Variants in FAM107B observed in about 807,000 individuals in gnomAD.
FAM107B encodes the protein protein FAM107B.
FAM107B carries 21 observed loss-of-function variants against 31.5 expected under a neutral mutation model. The ratio of observed to expected loss-of-function variants is 0.67; its 90% confidence interval spans 0.47 to 0.96. The LOEUF (loss-of-function observed/expected upper bound fraction) is 0.96, where lower values mean the gene tolerates loss of function less well. FAM107B is among the 40% of genes least tolerant of loss of function. The pLI, the probability that FAM107B is intolerant of heterozygous loss-of-function variation, is 0.00. For synonymous variants in FAM107B, 157 were observed against 141.5 expected, an observed-to-expected ratio of 1.11 and a Z score of -0.78; for missense variants, 452 against 377.1, an observed-to-expected ratio of 1.20 and a Z score of -1.64.
chr10:14,561,014 G>T (rs1006304246), intron 2 of FAM107B, among the ~76,000 whole-genome samples: 2 of 152,178 alleles, frequency 1.3e-5, no homozygotes, highest in Non-Finnish European at 2.9e-5. Flanking sequence ...TCAGGCACAG[G>T]GTGTGCCACT....
At chr10:14,574,456 A>G (rs1288712793) in intron 2 of FAM107B, among the ~76,000 whole-genome samples, 1 of 152,220 alleles carries the variant, frequency 6.6e-6, no homozygotes, top group Non-Finnish European at 1.5e-5. Flanking sequence ...TCCCACATAC[A>G]CTTGCAGAGT....
chr10:14,580,402 C>T (rs1394103932), intron 2 of FAM107B, among the ~76,000 whole-genome samples: 2 of 151,584 alleles, frequency 1.3e-5, no homozygotes, highest in East Asian at 3.9e-4. Context: ...ACAAAAGAAA[C>T]AGCAAGTGGT....
intron 2 of FAM107B, 129 bp from the exon 3 acceptor site, chr10:14,530,644 C>T: frequency 2.4e-6 from 2 of 829,556 alleles, no homozygotes; most frequent in South Asian, 3.7e-5. Context: ...TCTGGGGCAT[C>T]GCTGATAAAT....
intron 2 of FAM107B, among the ~76,000 whole-genome samples, chr10:14,628,112 G>GTTTTTTTTTTGTTTTTTTTTTTTTTTTTT (rs1554841912): frequency 1.1e-5 from 1 of 92,676 alleles, no homozygotes; most frequent in South Asian, 4.5e-4. Context: ...TGTTTTGCTG[G>GTTTTTTTTTTGTTTTTTTTTTTTTTTTTT]TTTTTTTTTT....
intron 1 of FAM107B, among the ~76,000 whole-genome samples, chr10:14,767,765 C>T (rs1318530372): frequency 6.6e-6 from 1 of 152,150 alleles, no homozygotes; most frequent in Non-Finnish European, 1.5e-5. Context: ...AGGAACAAAA[C>T]AAGGATGCTT....
chr10:14,573,790 A>G (rs1424090026), intron 2 of FAM107B, among the ~76,000 whole-genome samples: 1 of 152,102 alleles, frequency 6.6e-6, no homozygotes, highest in Non-Finnish European at 1.5e-5. Context: ...AGTCTGTGGT[A>G]TTCCACTACG....
At chr10:14,643,487 G>A (rs1853679473) in intron 2 of FAM107B, among the ~76,000 whole-genome samples, 1 of 150,266 alleles carries the variant, frequency 6.7e-6, no homozygotes, top group Non-Finnish European at 1.5e-5. Flanking sequence ...TCGGTTCACT[G>A]CAGTCTCCAC....
intron 2 of FAM107B, among the ~76,000 whole-genome samples, chr10:14,613,560 A>G (rs117176674): frequency 6.6e-6 from 1 of 152,278 alleles, no homozygotes; most frequent in Non-Finnish European, 1.5e-5. Flanking sequence ...TACGCCCTAC[A>G]TCTACTTTGG....
In FAM107B at chr10:14,774,317, G is replaced by T; in HGVS notation, c.347C>A (p.Ala116Glu). Residue 116 changes from alanine (A) to glutamate (E), a missense_variant, in exon 1 of 5, where the codon GCG becomes GAG. Transcript: ENST00000181796. ...GTGAAACACCACTGCTTCACAGTCC[G>T]CCCCATCATCCAGGGACCCGGGCAC... is the stretch of plus-strand genomic sequence containing the variant. ...EDVPGSLDDGADCEAVVFHAS... is the reference protein window; with the variant it reads ...EDVPGSLDDGEDCEAVVFHAS... The T allele has an allele frequency of 6.2e-7, 1 of 1,614,168 alleles. No homozygotes were observed. The highest frequency in any genetic ancestry group is 8.5e-7 in the Non-Finnish European group (1 of 1,180,018).
At chr10:14,674,429 G>A (rs1388784787) in intron 1 of FAM107B, among the ~76,000 whole-genome samples, 1 of 152,164 alleles carries the variant, frequency 6.6e-6, no homozygotes, top group Non-Finnish European at 1.5e-5. Flanking sequence ...TGGGGATGGA[G>A]TCCTTCAAAT....
chr10:14,739,701 A>G lies in FAM107B; in HGVS notation c.411+34552T>C, dbSNP rs1285234015. On this transcript the variant is annotated intron_variant, in intron 1 of 4. Coordinates refer to ENST00000181796, the MANE Select transcript of FAM107B (RefSeq NM_031453.4). ...CAAGAATTGTTTTAGGGATAGATAC[A>G]TAATTCAAGTTCTACAACTTGTGCT... Among the ~76,000 whole-genome samples, 14 of 152,362 alleles carry G rather than the reference A, an allele frequency of 9.2e-5. No individual in the cohort carries two copies. In the East Asian group the frequency reaches 2.5e-3, roughly 27 times the overall value.
intron 1 of FAM107B, among the ~76,000 whole-genome samples, chr10:14,755,127 A>T (rs1230941769): frequency 6.6e-6 from 1 of 152,356 alleles, no homozygotes; most frequent in African/African-American, 2.4e-5. Flanking sequence ...GAGCCAAGTC[A>T]TAAACATAGT....
intron 1 of FAM107B, among the ~76,000 whole-genome samples, chr10:14,701,690 A>G (rs1855402076): frequency 6.6e-6 from 1 of 152,074 alleles, no homozygotes; most frequent in Admixed American, 6.6e-5. Context: ...AAAGAATGCA[A>G]TGACCGGCCC....
intron 2 of FAM107B, among the ~76,000 whole-genome samples, chr10:14,553,147 C>T (rs1196053635): frequency 2.0e-5 from 3 of 152,148 alleles, no homozygotes; most frequent in African/African-American, 7.2e-5. Context: ...AAACTACCTT[C>T]TCCAATTGTT....
intron 2 of FAM107B, among the ~76,000 whole-genome samples, chr10:14,654,880 C>T (rs1854002770): frequency 6.6e-6 from 1 of 152,116 alleles, no homozygotes; most frequent in South Asian, 2.1e-4. Flanking sequence ...GAACTGTGTT[C>T]AGAAAAGGAA....
At chr10:14,749,622 G>C (rs1407389558) in intron 1 of FAM107B, among the ~76,000 whole-genome samples, 1 of 152,160 alleles carries the variant, frequency 6.6e-6, no homozygotes, top group Non-Finnish European at 1.5e-5. Flanking sequence ...CCACAGCGAG[G>C]CCTTCGCAGA....
chr10:14,527,697 G>A (rs2130818193), intron 3 of FAM107B, among the ~76,000 whole-genome samples: 1 of 152,336 alleles, frequency 6.6e-6, no homozygotes, highest in African/African-American at 2.4e-5. Context: ...AGGAAGACTT[G>A]TTATAAACTA....
intron 2 of FAM107B, among the ~76,000 whole-genome samples, chr10:14,543,663 A>C (rs942722665): frequency 2.7e-5 from 4 of 150,414 alleles, no homozygotes; most frequent in Non-Finnish European, 5.9e-5. Flanking sequence ...ATTCTGTTCC[A>C]AGGTTCACTA....
chr10:14,724,699 A>AG (rs1311274727), intron 1 of FAM107B, among the ~76,000 whole-genome samples: 1 of 152,040 alleles, frequency 6.6e-6, no homozygotes, highest in Non-Finnish European at 1.5e-5. Flanking sequence ...AAAAAAAAAA[A>AG]CAACACCTAA....
Sources: allele counts gnomAD v4.1 joint callset (sites outside exome capture counted in the v4.1 genomes callset), GRCh38; gene constraint gnomAD v4.1.1; transcripts MANE v1.5; gene names NCBI Gene and HGNC (gene_info 2026-07-23, HGNC 2026-07-21).